The following STK32B variants were observed in gnomAD, a reference collection of about 807,000 sequenced individuals.
STK32B encodes the protein serine/threonine kinase 32B.
Under a neutral mutation model 52.6 loss-of-function variants are expected in STK32B, and 43 were observed. That is an observed-to-expected ratio of 0.82 (90% confidence interval 0.64 to 1.05). The LOEUF (loss-of-function observed/expected upper bound fraction) is 1.05, where lower values mean the gene tolerates loss of function less well. Ranked by LOEUF, STK32B falls within the 50% of genes least tolerant of loss-of-function variation. The probability of loss-of-function intolerance (pLI) is 0.00; values close to 1 mark genes in which losing one functional copy is unlikely to be tolerated. For synonymous variants in STK32B, 238 were observed against 204.3 expected, an observed-to-expected ratio of 1.17 and a Z score of -1.41; for missense variants, 621 against 534.6, an observed-to-expected ratio of 1.16 and a Z score of -1.59.
chr4:5,243,271 T>C (rs1384951641), intron 3 of STK32B, among the ~76,000 whole-genome samples: 2 of 152,218 alleles, frequency 1.3e-5, no homozygotes, highest in African/African-American at 4.8e-5. Context: ...TGGTTTGTAG[T>C]TCTCCTTGAA....
intron 1 of STK32B, among the ~76,000 whole-genome samples, chr4:5,071,636 A>G (rs1483973965): frequency 6.6e-6 from 1 of 152,202 alleles, no homozygotes; most frequent in African/African-American, 2.4e-5. Flanking sequence ...GAGTATAATT[A>G]TGCCATCAAT....
chr4:5,210,010 A>G (rs1247722881), intron 3 of STK32B, among the ~76,000 whole-genome samples: 1 of 152,166 alleles, frequency 6.6e-6, no homozygotes, highest in Non-Finnish European at 1.5e-5. Context: ...CCTGATTTGG[A>G]TGTAACAGCA....
chr4:5,020,806 T>C, the STK32B span, among the ~76,000 whole-genome samples: 24 of 152,154 alleles, frequency 1.6e-4, no homozygotes, highest in African/African-American at 5.6e-4. Context: ...CCAGCTGCCA[T>C]TGGGAACGCT....
intron 6 of STK32B, among the ~76,000 whole-genome samples, chr4:5,444,519 T>C (rs925696266): frequency 6.6e-6 from 1 of 152,224 alleles, no homozygotes; most frequent in African/African-American, 2.4e-5. Context: ...CCTAGTGAGA[T>C]GAACCCGGTA....
chr4:5,084,306 G>C (rs1712599300), intron 1 of STK32B, among the ~76,000 whole-genome samples: 1 of 152,172 alleles, frequency 6.6e-6, no homozygotes, highest in South Asian at 2.1e-4. Flanking sequence ...CTCTGTGTGT[G>C]TTTTGCTGAG....
At position 5,316,993 on chromosome 4, in the gene STK32B, GATATAATATATAAT is replaced by G. The variant is rs1230612480; in HGVS notation, c.261-14221_261-14208del. 1.0e-3 allele frequency among the ~76,000 whole-genome samples: 15 copies of G among 14,900 alleles called. No individual in the cohort carries two copies. The South Asian group carries it at 0.02, about 20-fold the overall frequency. 9.8% of individuals were successfully genotyped at this position (14,900 alleles called of 152,430 possible). A position where few individuals can be genotyped will look rare whatever the true frequency, so the allele number is the denominator to read the frequency against. On this transcript the variant is annotated intron_variant, in intron 3 of 11. Transcript: ENST00000282908. ...AATATATATAATATATAATATATAT[GATATAATATATAAT>G]ATATATAATATATAATATATATGAT...
chr4:5,260,506 C>T (rs1404793274), intron 3 of STK32B, among the ~76,000 whole-genome samples: 1 of 152,120 alleles, frequency 6.6e-6, no homozygotes, highest in Non-Finnish European at 1.5e-5. Flanking sequence ...CCTGGAATGA[C>T]CGGGGAGGCT....
At chr4:5,371,074 G>C (rs1393971295) in intron 4 of STK32B, among the ~76,000 whole-genome samples, 1 of 151,424 alleles carries the variant, frequency 6.6e-6, no homozygotes, top group Non-Finnish European at 1.5e-5. Context: ...TCTAACACTT[G>C]TTAAAATGGT....
chr4:5,319,964 C>G (rs1731378796), intron 3 of STK32B, among the ~76,000 whole-genome samples: 1 of 152,144 alleles, frequency 6.6e-6, no homozygotes, highest in Admixed American at 6.5e-5. Context: ...AAACCTAAAT[C>G]ATGCAGGAAC....
chr4:5,163,538 C>CTGGGTGTGTG (rs1718614904), intron 2 of STK32B, among the ~76,000 whole-genome samples: 1 of 139,336 alleles, frequency 7.2e-6, no homozygotes, highest in Non-Finnish European at 1.6e-5. Flanking sequence ...AGAGTGAAGG[C>CTGGGTGTGTG]TGTGTGTGTG....
chr4:5,368,288 A>T (rs534646990), intron 4 of STK32B, among the ~76,000 whole-genome samples: 6 of 151,128 alleles, frequency 4.0e-5, no homozygotes, highest in Admixed American at 3.9e-4. Flanking sequence ...AGTTAGGTCT[A>T]CTATTATTCC....
At chr4:5,197,397 C>T (rs1721765698) in intron 3 of STK32B, among the ~76,000 whole-genome samples, 1 of 152,224 alleles carries the variant, frequency 6.6e-6, no homozygotes, top group East Asian at 1.9e-4. Flanking sequence ...CCTTTAGCTG[C>T]TGCAGCAAGA....
intron 2 of STK32B, among the ~76,000 whole-genome samples, chr4:5,159,613 A>G (rs866622641): frequency 1.5e-4 from 18 of 120,454 alleles, no homozygotes; most frequent in Admixed American, 1.2e-3. Context: ...ATATATGAAT[A>G]TATATGAATA....
At chr4:5,351,072 T>TAAC (rs200530895) in intron 4 of STK32B, among the ~76,000 whole-genome samples, 69 of 151,786 alleles carry the variant, frequency 4.5e-4, no homozygotes, top group African/African-American at 1.3e-3. Context: ...GACTGAAAAT[T>TAAC]AACAACAACA....
intron 2 of STK32B, 142 bp from the exon 3 acceptor site, chr4:5,168,155 TAA>T: frequency 1.9e-6 from 2 of 1,067,044 alleles, no homozygotes; most frequent in Non-Finnish European, 2.6e-6. Flanking sequence ...AGGTTGTGCC[TAA>T]CTTAGCAGAG....
intron 4 of STK32B, among the ~76,000 whole-genome samples, chr4:5,391,330 T>A (rs1736585859): frequency 6.6e-6 from 1 of 152,184 alleles, no homozygotes; most frequent in South Asian, 2.1e-4. Context: ...ACAACTTCTG[T>A]TAACTTAGAT....
chr4:5,352,957 C>A (rs2108987788), intron 4 of STK32B, among the ~76,000 whole-genome samples: 1 of 152,162 alleles, frequency 6.6e-6, no homozygotes, highest in Non-Finnish European at 1.5e-5. Flanking sequence ...CCAACGCAAT[C>A]CTAAGCATAA....
At position 5,469,595 on chromosome 4, in the gene STK32B, C is replaced by T. The variant is rs759632285; in HGVS notation, c.1106+1525C>T. 1.3e-5 allele frequency among the ~76,000 whole-genome samples: 2 copies of T among 152,206 alleles called. No homozygotes were observed. Among genetic ancestry groups the T allele is most frequent in the Non-Finnish European group, 2.9e-5 (2 of 68,040 alleles). On this transcript the variant is annotated intron_variant, in intron 11 of 11. Coordinates refer to ENST00000282908, the MANE Select transcript of STK32B (RefSeq NM_018401.3). This position sits in a 1 kb window ranked among gnomAD's most constrained non-coding sequence, Gnocchi z 4.7. ...GGCAGGACAGGGCCCCAGTCCCAGT[C>T]GATGCTGGGGAGGCAAAGGAGGCAG...
intron 3 of STK32B, among the ~76,000 whole-genome samples, chr4:5,318,514 C>T (rs189624391): frequency 1.8e-3 from 272 of 152,194 alleles, no homozygotes; most frequent in Middle Eastern, 0.01. Flanking sequence ...TTGGAGAGTC[C>T]TGATCACATA....
Sources: gnomAD v4.1 joint callset for allele counts (sites outside exome capture counted in the v4.1 genomes callset) on GRCh38, gnomAD v4.1.1 for gene constraint, Gnocchi (gnomAD v3.1) non-coding constraint, MANE v1.5 for transcripts, NCBI Gene and HGNC (gene_info 2026-07-23, HGNC 2026-07-21) for gene names.